Variants in WNK1 observed in about 807,000 individuals in gnomAD.
The protein encoded by WNK1 is WNK lysine deficient protein kinase 1, also known as serine/threonine-protein kinase WNK1.
Under a neutral mutation model 222.8 loss-of-function variants are expected in WNK1, and 38 were observed. That is an observed-to-expected ratio of 0.17 (90% CI 0.13 to 0.22). WNK1 has a LOEUF of 0.22. WNK1 is among the 10% of genes least tolerant of loss of function. The pLI, the probability that WNK1 is intolerant of heterozygous loss-of-function variation, is 1.00. For missense variants in WNK1, 2,348 were observed against 2,918.4 expected, an observed-to-expected ratio of 0.80 and a Z score of 4.50; for synonymous variants, 1,090 against 1,092.9, an observed-to-expected ratio of 1.00 and a Z score of 0.05.
At position 861,336 on chromosome 12, in the gene WNK1, T is replaced by C; in HGVS notation, c.1944T>C (p.Ser648=). ...TACAGTACCAGCAACCCAGTATATCTGTGTTATGTACGTATCTTGGGAAGT... is the reference window on the plus strand; with the variant it reads ...TACAGTACCAGCAACCCAGTATATCCGTGTTATGTACGTATCTTGGGAAGT... ...QQLQYQQPSI[S]VLSDGTVDSG... Residue 648 remains serine (S), a synonymous_variant, in exon 7 of 28, where the codon TCT becomes TCC. Coordinates refer to ENST00000315939, the MANE Select transcript of WNK1 (RefSeq NM_018979.4). 4 of 1,614,064 alleles carry C rather than the reference T, an allele frequency of 2.5e-6. No homozygotes were observed. Among genetic ancestry groups the C allele is most frequent in the Non-Finnish European group, 3.4e-6 (4 of 1,179,926 alleles).
intron 1 of WNK1, among the ~76,000 whole-genome samples, chr12:760,935 G>A (rs1263013564): frequency 1.5e-5 from 2 of 132,884 alleles, no homozygotes; most frequent in African/African-American, 5.5e-5. Flanking sequence ...AACCACACCC[G>A]GCTAATTTTT....
Position 884,087 on chromosome 12 carries a change from A to G in WNK1, c.3722-34A>G. The G allele has an allele frequency of 2.1e-5, 34 of 1,613,614 alleles. No homozygotes were observed. Among genetic ancestry groups the G allele is most frequent in the Non-Finnish European group, 2.9e-5 (34 of 1,179,712 alleles). On this transcript the variant is annotated intron_variant, in intron 17 of 27. Transcript: ENST00000315939. This position sits in a 1 kb window ranked among gnomAD's most constrained non-coding sequence, Gnocchi z 5.6. ...TAACAATATTTATAATAATAATGCT[A>G]TTAAGTTACGTTTGTTTGTTTGTTT...
At chr12:826,206 C>T (rs1454680161) in intron 2 of WNK1, among the ~76,000 whole-genome samples, 1 of 152,234 alleles carries the variant, frequency 6.6e-6, no homozygotes, top group Non-Finnish European at 1.5e-5. Flanking sequence ...CCATTTGCCT[C>T]ATGTGGCTGT....
At position 910,469 on chromosome 12, in the gene WNK1, C is replaced by CCAAT. The variant is rs72652265; in HGVS notation, c.*1680_*1683dup. On this transcript the variant is annotated 3_prime_UTR_variant, in exon 28 of 28. Coordinates refer to ENST00000315939, the MANE Select transcript of WNK1 (RefSeq NM_018979.4). ...TACTCCCCGTAAGTAATAACTGCAA[C>CCAAT]CAATCAGTGTTATTCAGTGCTATGC... The CCAAT allele has an allele frequency of 1.2e-3, 190 of 152,224 alleles. No individual in the cohort carries two copies. The highest frequency in any genetic ancestry group is 4.4e-3 in the African/African-American group (181 of 41,540). The allele number at this position is 152,224 out of a possible 1,614,324, so 9.4% of individuals were successfully genotyped here. A position where few individuals can be genotyped will look rare whatever the true frequency, so the allele number is the denominator to read the frequency against.
intron 13 of WNK1, 57 bp from the exon 14 acceptor site, chr12:881,854 C>T: frequency 6.2e-7 from 1 of 1,613,650 alleles, no homozygotes; most frequent in Non-Finnish European, 8.5e-7. Flanking sequence ...GCCAAACTGT[C>T]AGACCTTTAA....
At position 752,612 on chromosome 12, in the gene WNK1, C is replaced by G. The variant is rs993791255; in HGVS notation, c.-954C>G. ...GGCGCCATTTAGCGCGGAGAGTTTC[C>G]CGGGTGGACGCGGCTCCTCTCTCGG... On this transcript the variant is annotated 5_prime_UTR_variant, in exon 1 of 28. Transcript: ENST00000315939. 1 of 152,264 alleles carries G rather than the reference C, an allele frequency of 6.6e-6. No homozygotes were observed. Among genetic ancestry groups the G allele is most frequent in the Non-Finnish European group, 1.5e-5 (1 of 68,132 alleles). 9.4% of individuals were successfully genotyped at this position (152,264 alleles called of 1,614,324 possible).
chr12:833,602 A>G (rs1948970708), intron 4 of WNK1, among the ~76,000 whole-genome samples: 1 of 152,232 alleles, frequency 6.6e-6, no homozygotes, highest in African/African-American at 2.4e-5. Context: ...GTTTCACTGT[A>G]TAATGATCTT....
intron 5 of WNK1, among the ~76,000 whole-genome samples, chr12:858,504 T>C (rs892033260): frequency 6.6e-6 from 1 of 152,262 alleles, no homozygotes; most frequent in African/African-American, 2.4e-5. Flanking sequence ...TCAACTCTTG[T>C]TGGAGCAGTT....
intron 4 of WNK1, among the ~76,000 whole-genome samples, chr12:833,474 C>G (rs1948958442): frequency 6.6e-6 from 1 of 152,198 alleles, no homozygotes; most frequent in African/African-American, 2.4e-5. Flanking sequence ...CACATCCTTT[C>G]CTGTATTCCT....
chr12:891,415 G>C (rs1285960578), intron 22 of WNK1, among the ~76,000 whole-genome samples: 12 of 152,174 alleles, frequency 7.9e-5, no homozygotes, highest in Non-Finnish European at 1.8e-4. Context: ...TGGGATTACA[G>C]GCGTGAGCCA....
chr12:829,691 A>C (rs1462425535), intron 3 of WNK1, among the ~76,000 whole-genome samples: 1 of 152,208 alleles, frequency 6.6e-6, no homozygotes, highest in Non-Finnish European at 1.5e-5. Context: ...GAATTATATT[A>C]GTTTATTATC....
intron 2 of WNK1, among the ~76,000 whole-genome samples, chr12:824,941 A>G (rs1361522869): frequency 2.0e-5 from 3 of 152,310 alleles, no homozygotes; most frequent in East Asian, 3.9e-4. Context: ...TCATTCCATA[A>G]TAAAATAAAT....
intron 4 of WNK1, among the ~76,000 whole-genome samples, chr12:849,834 T>TG (rs1950290806): frequency 6.6e-6 from 1 of 152,106 alleles, no homozygotes; most frequent in African/African-American, 2.4e-5. Flanking sequence ...TTTTTGTCCT[T>TG]GCGATAGTTT....
chr12:890,063 C>G (rs372943701), intron 21 of WNK1, among the ~76,000 whole-genome samples: 1 of 147,018 alleles, frequency 6.8e-6, no homozygotes, highest in South Asian at 2.2e-4. Context: ...AGTGATTCTT[C>G]TACCTCAGCC....
chr12:911,106 G>A lies in WNK1; in HGVS notation c.*2314G>A. The A allele has an allele frequency of 2.5e-6, 1 of 393,858 alleles. No individual in the cohort carries two copies. The highest frequency in any genetic ancestry group is 3.6e-5 in the East Asian group (1 of 27,692). 24.4% of individuals were successfully genotyped at this position (393,858 alleles called of 1,614,324 possible). ...AAAGTCAGAACTGGTGTTATTTACT[G>A]TTGATTTCATCCTCCTGTGTATGAA... On this transcript the variant is annotated 3_prime_UTR_variant, in exon 28 of 28. Transcript: ENST00000315939.
intron 4 of WNK1, among the ~76,000 whole-genome samples, chr12:845,692 A>G (rs1289746594): frequency 6.6e-6 from 1 of 152,320 alleles, no homozygotes; most frequent in Non-Finnish European, 1.5e-5. Flanking sequence ...ACAGTTATCA[A>G]TCAGTACCTA....
At chr12:845,041 G>A (rs1010062060) in intron 4 of WNK1, among the ~76,000 whole-genome samples, 2 of 149,262 alleles carry the variant, frequency 1.3e-5, no homozygotes, top group Admixed American at 6.6e-5. Context: ...GACTACAGGC[G>A]CCCGCCACTA....
At chr12:799,006 T>G (rs1293625486) in intron 1 of WNK1, among the ~76,000 whole-genome samples, 1 of 152,124 alleles carries the variant, frequency 6.6e-6, no homozygotes, top group Non-Finnish European at 1.5e-5. Flanking sequence ...TTCTCTTTTT[T>G]GGGGGGGCAT....
chr12:904,240 C>T (rs940447194), intron 26 of WNK1, among the ~76,000 whole-genome samples: 7 of 152,142 alleles, frequency 4.6e-5, no homozygotes, highest in East Asian at 3.8e-4. Flanking sequence ...CTGTCAGCCA[C>T]GTAACACAGC....
Sources: allele counts gnomAD v4.1 joint callset (sites outside exome capture counted in the v4.1 genomes callset), GRCh38; gene constraint gnomAD v4.1.1; non-coding constraint Gnocchi (gnomAD v3.1); transcripts MANE v1.5; gene names NCBI Gene and HGNC (gene_info 2026-07-23, HGNC 2026-07-21).